Variants in UNC13C observed in about 807,000 individuals in gnomAD.
UNC13C encodes the protein unc-13 homolog C.
Under a neutral mutation model 245.4 loss-of-function variants are expected in UNC13C, and 174 were observed. The ratio of observed to expected loss-of-function variants is 0.71; its 90% CI spans 0.63 to 0.80. The LOEUF (loss-of-function observed/expected upper bound fraction) is 0.80, where lower values mean the gene tolerates loss of function less well. Ranked by LOEUF, UNC13C falls within the 30% of genes least tolerant of loss-of-function variation. The pLI is 0.00. For missense variants in UNC13C, 2,829 were observed against 2,602.9 expected, an observed-to-expected ratio of 1.09 and a Z score of -1.89; for synonymous variants, 992 against 895.1, an observed-to-expected ratio of 1.11 and a Z score of -1.93.
intron 4 of UNC13C, among the ~76,000 whole-genome samples, chr15:54,168,362 T>C (rs1367497272): frequency 6.6e-6 from 1 of 152,192 alleles, no homozygotes; most frequent in Middle Eastern, 3.2e-3. Context: ...AGTTGAAATA[T>C]AGTTATGCAA....
chr15:54,032,839 C>A (rs936579621), intron 2 of UNC13C, among the ~76,000 whole-genome samples: 1 of 152,064 alleles, frequency 6.6e-6, no homozygotes, highest in Non-Finnish European at 1.5e-5. Context: ...TTGCAGGAAT[C>A]CGGATGGGAT....
chr15:54,180,155 T>C (rs543028079), intron 4 of UNC13C, among the ~76,000 whole-genome samples: 18 of 151,976 alleles, frequency 1.2e-4, no homozygotes, highest in Non-Finnish European at 2.5e-4. Flanking sequence ...CCTTTGCCTC[T>C]TCTCTTCTCC....
the UNC13C span, among the ~76,000 whole-genome samples, chr15:53,882,427 C>A: frequency 6.6e-6 from 1 of 151,812 alleles, no homozygotes; most frequent in Non-Finnish European, 1.5e-5. Flanking sequence ...TTCATGTAAC[C>A]CAGTCATTAT....
At chr15:54,210,097 A>C (rs1019865029) in intron 4 of UNC13C, among the ~76,000 whole-genome samples, 1 of 151,626 alleles carries the variant, frequency 6.6e-6, no homozygotes, top group African/African-American at 2.4e-5. Context: ...TTATTGTCAG[A>C]GTTACAAAGA....
the UNC13C span, among the ~76,000 whole-genome samples, chr15:53,944,796 G>T: frequency 6.6e-6 from 1 of 152,110 alleles, no homozygotes; most frequent in Non-Finnish European, 1.5e-5. Flanking sequence ...TAATAGGATG[G>T]CTGGGTCAAA....
the UNC13C span, among the ~76,000 whole-genome samples, chr15:53,944,458 G>A: frequency 1.3e-5 from 2 of 151,918 alleles, no homozygotes; most frequent in Non-Finnish European, 1.5e-5. Context: ...CCCCTCACAG[G>A]GTCCCTGTGT....
At chr15:54,464,111 G>A (rs1892040109) in intron 19 of UNC13C, among the ~76,000 whole-genome samples, 1 of 152,088 alleles carries the variant, frequency 6.6e-6, no homozygotes, top group Non-Finnish European at 1.5e-5. Context: ...GCAATTAAAA[G>A]TGCCTAGTTC....
chr15:54,555,201 C>G (rs1356646020), intron 28 of UNC13C, among the ~76,000 whole-genome samples: 1 of 151,960 alleles, frequency 6.6e-6, no homozygotes, highest in Non-Finnish European at 1.5e-5. Flanking sequence ...GAAAATAAAG[C>G]CACACCTCTA....
chr15:54,451,127 CCTT>C, intron 19 of UNC13C, among the ~76,000 whole-genome samples: 1 of 152,026 alleles, frequency 6.6e-6, no homozygotes, highest in Middle Eastern at 3.4e-3. Flanking sequence ...TTTTTCCTCT[CCTT>C]CTGGGTCACT....
chr15:54,034,645 A>C (rs1896497905), intron 2 of UNC13C, among the ~76,000 whole-genome samples: 1 of 152,208 alleles, frequency 6.6e-6, no homozygotes, highest in African/African-American at 2.4e-5. Flanking sequence ...TGCATGGTAC[A>C]TTGCTGTACA....
At chr15:54,120,526 C>T (rs2030593306) in intron 2 of UNC13C, among the ~76,000 whole-genome samples, 1 of 152,106 alleles carries the variant, frequency 6.6e-6, no homozygotes, top group African/African-American at 2.4e-5. Flanking sequence ...CACCTACAAA[C>T]ACAACATCTA....
intron 2 of UNC13C, among the ~76,000 whole-genome samples, chr15:54,129,651 A>T (rs1370270023): frequency 6.6e-6 from 1 of 151,752 alleles, no homozygotes; most frequent in Non-Finnish European, 1.5e-5. Context: ...TAGTCTTAGA[A>T]AATTATCCAT....
At chr15:54,120,622 A>G (rs938793259) in intron 2 of UNC13C, among the ~76,000 whole-genome samples, 4 of 152,074 alleles carry the variant, frequency 2.6e-5, no homozygotes, top group Non-Finnish European at 5.9e-5. Flanking sequence ...TAGCTGCCAA[A>G]CATAGTGATT....
At chr15:54,460,866 T>G (rs1484856081) in intron 19 of UNC13C, among the ~76,000 whole-genome samples, 1 of 152,208 alleles carries the variant, frequency 6.6e-6, no homozygotes, top group Non-Finnish European at 1.5e-5. Context: ...TTGGCCATTT[T>G]CCTCTCAAGT....
At chr15:54,082,132 GA>G (rs1223194863) in intron 2 of UNC13C, among the ~76,000 whole-genome samples, 2 of 152,076 alleles carry the variant, frequency 1.3e-5, no homozygotes, top group Admixed American at 1.3e-4. Context: ...TTCTGGTTTA[GA>G]AGACCGCTGT....
At chr15:53,960,312 C>G in the UNC13C span, among the ~76,000 whole-genome samples, 1 of 149,936 alleles carries the variant, frequency 6.7e-6, no homozygotes, top group African/African-American at 2.5e-5. Flanking sequence ...AGTCTGAAGA[C>G]TTATGTATAT....
chr15:54,010,119 G>A (rs771282744), intron 1 of UNC13C, among the ~76,000 whole-genome samples: 10 of 152,184 alleles, frequency 6.6e-5, no homozygotes, highest in Non-Finnish European at 1.2e-4. Flanking sequence ...AGTGCAGCCA[G>A]TTTAGGCTTA....
intron 14 of UNC13C, among the ~76,000 whole-genome samples, chr15:54,326,767 G>C (rs1567189362): frequency 6.6e-6 from 1 of 151,934 alleles, no homozygotes; most frequent in East Asian, 1.9e-4. Context: ...AGGTCCAAAA[G>C]GTAACTCAGG....
intron 2 of UNC13C, among the ~76,000 whole-genome samples, chr15:54,093,983 CATT>C (rs1899712144): frequency 5.4e-5 from 2 of 37,010 alleles, no homozygotes; most frequent in African/African-American, 2.0e-4. Context: ...AACTGGTGTG[CATT>C]GAAACCTTTA....
Sources: gnomAD v4.1 joint callset for allele counts (sites outside exome capture counted in the v4.1 genomes callset) on GRCh38, gnomAD v4.1.1 for gene constraint, MANE v1.5 for transcripts, NCBI Gene and HGNC (gene_info 2026-07-23, HGNC 2026-07-21) for gene names.